Variants in PCDHA1 observed in about 807,000 individuals in gnomAD.
The protein encoded by PCDHA1 is protocadherin alpha-1.
Under a neutral mutation model 61.3 loss-of-function variants are expected in PCDHA1, and 42 were observed. The observed-to-expected ratio is 0.69, with a 90% CI of 0.54 to 0.89. The LOEUF (loss-of-function observed/expected upper bound fraction) is 0.89. PCDHA1 is among the 40% of genes least tolerant of loss of function. PCDHA1 has a pLI of 0.00. For missense variants in PCDHA1, 1,256 were observed against 1,235.3 expected (o/e 1.02, Z -0.25); for synonymous variants, 610 against 553.8 (o/e 1.10, Z -1.43).
At chr5:140,921,676 T>A (rs2080324583) in intron 1 of PCDHA1, among the ~76,000 whole-genome samples, 1 of 152,178 alleles carries the variant, frequency 6.6e-6, no homozygotes, top group South Asian at 2.1e-4. Flanking sequence ...ACAGTTATCA[T>A]CAAACACTGG....
chr5:140,801,403 A>G, intron 1 of PCDHA1: 2 of 1,613,708 alleles, frequency 1.2e-6, no homozygotes, highest in Non-Finnish European at 1.7e-6. Flanking sequence ...GTGGCGTCCA[A>G]AAGACACGGG....
chr5:140,849,635 T>A (rs2150443379), intron 1 of PCDHA1: 1 of 1,598,758 alleles, frequency 6.3e-7, no homozygotes, highest in South Asian at 1.1e-5. Flanking sequence ...TAGACGCAGA[T>A]GCCAACGGGC....
chr5:140,807,597 A>G (rs144914662), intron 1 of PCDHA1: 1 of 1,614,208 alleles, frequency 6.2e-7, no homozygotes, highest in South Asian at 1.1e-5. Context: ...CCAGCAACAC[A>G]AAAGAACCTG....
At chr5:140,827,709 A>G (rs1769373019) in intron 1 of PCDHA1, among the ~76,000 whole-genome samples, 1 of 152,354 alleles carries the variant, frequency 6.6e-6, no homozygotes, top group Non-Finnish European at 1.5e-5. Context: ...TGTTGCAAAT[A>G]TTGGTAGAAA....
chr5:140,839,760 C>T (rs1554137571), intron 1 of PCDHA1, among the ~76,000 whole-genome samples: 1 of 151,820 alleles, frequency 6.6e-6, no homozygotes, highest in Admixed American at 6.6e-5. Flanking sequence ...CCTATTTAAC[C>T]TACGTTTTTG....
At chr5:141,009,019 C>A (rs1160022658) in intron 3 of PCDHA1, among the ~76,000 whole-genome samples, 1 of 152,232 alleles carries the variant, frequency 6.6e-6, no homozygotes, top group Non-Finnish European at 1.5e-5. Context: ...CCTTTAGGCT[C>A]TGTATTTCCC....
intron 1 of PCDHA1, chr5:140,883,550 C>A: frequency 6.2e-7 from 1 of 1,614,188 alleles, no homozygotes; most frequent in Non-Finnish European, 8.5e-7. Flanking sequence ...GGTGACCGCG[C>A]GGGACGGGGG....
chr5:140,790,561 AT>A (rs1300304171), intron 1 of PCDHA1, among the ~76,000 whole-genome samples: 1 of 152,258 alleles, frequency 6.6e-6, no homozygotes, highest in African/African-American at 2.4e-5. Flanking sequence ...TCAGAAAAAA[AT>A]AATCTTAGCA....
At chr5:140,826,023 T>C (rs1768791040) in intron 1 of PCDHA1, among the ~76,000 whole-genome samples, 1 of 152,228 alleles carries the variant, frequency 6.6e-6, no homozygotes, top group South Asian at 2.1e-4. Flanking sequence ...TGATAAAATG[T>C]GAATTCCCTA....
At chr5:140,996,695 A>G (rs1207094122) in intron 3 of PCDHA1, among the ~76,000 whole-genome samples, 1 of 152,088 alleles carries the variant, frequency 6.6e-6, no homozygotes, top group East Asian at 1.9e-4. Context: ...ATTCTTCTGA[A>G]CCTCTATCTC....
At chr5:140,876,274 G>C (rs1554168448) in intron 1 of PCDHA1, 8 of 1,613,990 alleles carry the variant, frequency 5.0e-6, no homozygotes, top group Non-Finnish European at 6.8e-6. Context: ...AAATGCTTCC[G>C]ATCCAGACGA....
At chr5:140,990,130 G>A (rs1448603304) in intron 3 of PCDHA1, among the ~76,000 whole-genome samples, 1 of 152,066 alleles carries the variant, frequency 6.6e-6, no homozygotes, top group Admixed American at 6.6e-5. Flanking sequence ...GTAGAAGTCA[G>A]ACTCAAGAGG....
chr5:140,877,215 A>T, intron 1 of PCDHA1: 1 of 1,613,722 alleles, frequency 6.2e-7, no homozygotes, highest in Non-Finnish European at 8.5e-7. Context: ...GCGAGTTGGT[A>T]CCGCGGTCGG....
chr5:140,955,641 A>G (rs173471), intron 1 of PCDHA1, among the ~76,000 whole-genome samples: 85,644 of 151,978 alleles, frequency 0.56, 24,753 homozygotes, highest in African/African-American at 0.69. Flanking sequence ...TGTGAGAACA[A>G]ATTAATACAC....
intron 1 of PCDHA1, chr5:140,856,628 G>C (rs782445037): frequency 1.9e-6 from 3 of 1,598,180 alleles, no homozygotes; most frequent in East Asian, 4.5e-5. Context: ...CCCAGTGCTT[G>C]TTCTGCGGAA....
At chr5:140,937,039 CTT>C (rs34994034) in intron 1 of PCDHA1, among the ~76,000 whole-genome samples, 9 of 140,130 alleles carry the variant, frequency 6.4e-5, no homozygotes, top group Admixed American at 7.1e-5. Context: ...TTCCATTTAT[CTT>C]TTTTTTTTTT....
intron 1 of PCDHA1, among the ~76,000 whole-genome samples, chr5:140,961,632 A>G (rs373824042): frequency 7.9e-5 from 12 of 152,214 alleles, no homozygotes; most frequent in South Asian, 4.1e-4. Flanking sequence ...ATGAAAAACA[A>G]TCTTAAGTCT....
intron 1 of PCDHA1, among the ~76,000 whole-genome samples, chr5:140,942,637 A>C (rs1175766630): frequency 6.6e-6 from 1 of 152,178 alleles, no homozygotes; most frequent in African/African-American, 2.4e-5. Context: ...AAAATGGCAA[A>C]AGAGATCTCA....
At chr5:140,863,741 G>T in intron 1 of PCDHA1, 1 of 249,706 alleles carries the variant, frequency 4.0e-6, no homozygotes, top group East Asian at 1.0e-4. Context: ...ATGCCTATTT[G>T]TAATCCCGGC....
Sources: allele counts gnomAD v4.1 joint callset (sites outside exome capture counted in the v4.1 genomes callset), GRCh38; gene constraint gnomAD v4.1.1; transcripts MANE v1.5; gene names NCBI Gene and HGNC (gene_info 2026-07-23, HGNC 2026-07-21).